RNF31: variants seen among roughly 807,000 people sequenced by gnomAD.
RNF31 encodes ring finger protein 31.
Under a neutral mutation model 133.6 loss-of-function variants are expected in RNF31, and 38 were observed. The observed-to-expected ratio is 0.28, with a 90% CI of 0.22 to 0.37. RNF31 has a LOEUF of 0.37. RNF31 is among the 10% of genes least tolerant of loss of function. The probability of loss-of-function intolerance (pLI) is 1.00; values close to 1 mark genes in which losing one functional copy is unlikely to be tolerated. For synonymous variants in RNF31, 582 were observed against 552.3 expected (o/e 1.05, Z -0.75); for missense variants, 1,118 against 1,394.1 (o/e 0.80, Z 3.15).
chr14:24,149,935 G>T, intron 6 of RNF31, 126 bp from the exon 7 acceptor site: 1 of 1,186,694 alleles, frequency 8.4e-7, no homozygotes, highest in Non-Finnish European at 1.2e-6. Context: ...AGGAGTATTC[G>T]AGACAGACAA....
chr14:24,148,293 A>G lies in RNF31; in HGVS notation c.375A>G (p.Thr125=), dbSNP rs770384151. The change falls in exon 3 of 21, where the codon ACA becomes ACG. Residue 125 remains threonine (T), a synonymous_variant. Coordinates refer to ENST00000324103, the MANE Select transcript of RNF31 (RefSeq NM_017999.5). ...ATGTGCTGCGATTATATGGCTACACAGAGGAGCAACCAGATGGGTTGAGCT... is the reference window on the plus strand; with the variant it reads ...ATGTGCTGCGATTATATGGCTACACGGAGGAGCAACCAGATGGGTTGAGCT... ...GRDVLRLYGY[T]EEQPDGLSFP... 1 of 1,614,238 alleles carries G rather than the reference A, an allele frequency of 6.2e-7. No individual in the cohort carries two copies. Among genetic ancestry groups the G allele is most frequent in the Non-Finnish European group, 8.5e-7 (1 of 1,180,046 alleles).
At position 24,160,514 on chromosome 14, in the gene RNF31, C is replaced by A. The variant is rs2038431371; in HGVS notation, c.3166-6C>A. 2.6e-6 allele frequency: 4 copies of A among 1,554,622 alleles called. No individual in the cohort carries two copies. The highest frequency in any genetic ancestry group is 2.6e-6 in the Non-Finnish European group (3 of 1,146,842). ...CAATATCATTACCTTCTCTCTCCTT[C>A]TGCAGAAGCTGACAGAAGAGGTACC... On this transcript the variant is annotated splice_region_variant and splice_polypyrimidine_tract_variant and intron_variant, in intron 20 of 20. Coordinates refer to ENST00000324103, the MANE Select transcript of RNF31 (RefSeq NM_017999.5). This position sits in a 1 kb window ranked among gnomAD's most constrained non-coding sequence, Gnocchi z 4.0.
At position 24,151,751 on chromosome 14, in the gene RNF31, C is replaced by T; in HGVS notation, c.1924-35C>T. 3 of 1,599,538 alleles carry T rather than the reference C, an allele frequency of 1.9e-6. No individual in the cohort carries two copies. Among genetic ancestry groups the T allele is most frequent in the Non-Finnish European group, 2.6e-6 (3 of 1,172,044 alleles). ...GAGGGGAAGGGTCCCTGGAGTCTGACAGCACTTCCCCCCTCCACCTGAATC... is the reference window on the plus strand; with the variant it reads ...GAGGGGAAGGGTCCCTGGAGTCTGATAGCACTTCCCCCCTCCACCTGAATC... On this transcript the variant is annotated intron_variant, in intron 10 of 20. Transcript: ENST00000324103. This position sits in a 1 kb window ranked among gnomAD's most constrained non-coding sequence, Gnocchi z 5.3.
At chr14:24,148,994 G>C in intron 5 of RNF31, 118 bp downstream of exon 5, 1 of 991,582 alleles carries the variant, frequency 1.0e-6, no homozygotes, top group Non-Finnish European at 1.6e-6. Context: ...ACGGAGTTTT[G>C]CTCTTGTTGC....
rs773851158 is a variant in RNF31 at position 24,148,407 on chromosome 14, A to C, written c.489A>C (p.Leu163=). 9 of 1,613,700 alleles carry C rather than the reference A, an allele frequency of 5.6e-6. No individual in the cohort carries two copies. The highest frequency in any genetic ancestry group is 4.0e-5 in the African/African-American group (3 of 74,686). ...TGCTTCGGACAGAGCTCAGCCTGCT[A>C]TTGCAGGTGAGATGCTCCTCTAGTC... ...VLLLRTELSL[L]LQNTHPRQQA... Residue 163 remains leucine, a synonymous_variant, in exon 3 of 21, where the codon CTA becomes CTC. Transcript: ENST00000324103.
chr14:24,157,077 G>A (rs567246217), intron 14 of RNF31, among the ~76,000 whole-genome samples: 1 of 152,324 alleles, frequency 6.6e-6, no homozygotes, highest in African/African-American at 2.4e-5. Context: ...GGTTGAGATG[G>A]TCTGTGGGGT....
chr14:24,158,407 A>ACAGAGGTAAGTCTACAGTCCAT (rs2038379351), intron 18 of RNF31, among the ~76,000 whole-genome samples: 1 of 152,260 alleles, frequency 6.6e-6, no homozygotes, highest in Non-Finnish European at 1.5e-5. Flanking sequence ...ATCTTTAAAG[A>ACAGAGGTAAGTCTACAGTCCAT]ACCTGGTACC....
Position 24,148,611 on chromosome 14 carries a change from C to G in RNF31, c.496-31C>G, listed in dbSNP as rs376994847. 85 of 1,612,842 alleles carry G rather than the reference C, an allele frequency of 5.3e-5. No homozygotes were observed. The African/African-American group carries it at 9.7e-4, about 18-fold the overall frequency. On this transcript the variant is annotated intron_variant, in intron 3 of 20. Coordinates refer to ENST00000324103, the MANE Select transcript of RNF31 (RefSeq NM_017999.5). Reference sequence around the variant, plus strand: ...GGAGGGCTTTGTTCTAGGGGTCTAGCTGGAAACCGTTTTTATCTGTATTAT... The same window carrying G: ...GGAGGGCTTTGTTCTAGGGGTCTAGGTGGAAACCGTTTTTATCTGTATTAT...
chr14:24,147,433 G>C (rs753613365), upstream of RNF31: 1 of 341,192 alleles, frequency 2.9e-6, no homozygotes, highest in Non-Finnish European at 5.3e-6. Context: ...TCCTGACACC[G>C]CTCCAACCTT....
intron 6 of RNF31, 116 bp from the exon 7 acceptor site, chr14:24,149,945 A>G (rs1302721570): frequency 5.6e-6 from 7 of 1,249,534 alleles, no homozygotes; most frequent in African/African-American, 3.0e-5. Context: ...GAGACAGACA[A>G]TGTGTGCAAA....
chr14:24,148,820 T>C lies in RNF31; in HGVS notation c.575T>C (p.Phe192Ser), dbSNP rs747027126. ...TTTCAGATGCTGCAGCTTTCAGAAT[T>C]TGACCCCCTATTGAGAGAGATTGCT... ...VEDDMLQLSE[F>S]DPLLREIAPG... Residue 192 changes from phenylalanine to serine, a missense_variant, in exon 5 of 21, where the codon TTT becomes TCT. Transcript: ENST00000324103. 30 of 1,614,066 alleles carry C rather than the reference T, an allele frequency of 1.9e-5. No individual in the cohort carries two copies. The Admixed American group carries it at 4.8e-4, about 26-fold the overall frequency.
rs377648911 is a variant in RNF31 at position 24,150,251 on chromosome 14, T to C, written c.1000T>C (p.Leu334=). 58 of 1,613,816 alleles carry C rather than the reference T, an allele frequency of 3.6e-5. No homozygotes were observed. The highest frequency in any genetic ancestry group is 4.5e-5 in the Non-Finnish European group (53 of 1,179,972). ...GCCCCGAGGCTGTAAGGGGTTGGGG[T>C]TGGGAACTGAGGGTCCCCAAGGAAC... is the stretch of plus-strand genomic sequence containing the variant. ...DRPRGCKGLG[L]GTEGPQGTGG... Residue 334 remains leucine (L), a synonymous_variant, in exon 7 of 21, where the codon TTG becomes CTG. Coordinates refer to ENST00000324103, the MANE Select transcript of RNF31 (RefSeq NM_017999.5).
At chr14:24,148,481 A>T (rs2038209931) in intron 3 of RNF31, 68 bp downstream of exon 3, 1 of 1,611,818 alleles carries the variant, frequency 6.2e-7, no homozygotes, top group African/African-American at 1.3e-5. Context: ...AACTCAAGTA[A>T]GTTTGAGGAC....
In RNF31 at chr14:24,155,445, C is replaced by T. The variant is rs557824618; in HGVS notation, c.2336C>T (p.Ala779Val). The change falls in exon 13 of 21, where the codon GCG becomes GTG. Residue 779 changes from alanine to valine, a missense_variant. Ala to Val is a moderately conservative substitution (Grantham distance 64, BLOSUM62 0). Coordinates refer to ENST00000324103, the MANE Select transcript of RNF31 (RefSeq NM_017999.5). The surrounding 1 kb of genome is among the most constrained non-coding windows in gnomAD (Gnocchi z 4.9). ...LRESLEPDAYALFHKKLTEGV... is the reference protein window; with the variant it reads ...LRESLEPDAYVLFHKKLTEGV... Reference sequence around the variant, plus strand: ...GAGAGCCTAGAGCCAGATGCCTATGCGTTGTTCCATAAGAAGCTGACCGAG... The same window carrying T: ...GAGAGCCTAGAGCCAGATGCCTATGTGTTGTTCCATAAGAAGCTGACCGAG... 34 of 1,614,234 alleles carry T rather than the reference C, an allele frequency of 2.1e-5. No individual in the cohort carries two copies. The South Asian group carries it at 3.0e-4, about 14-fold the overall frequency.
Position 24,147,651 on chromosome 14 carries a change from C to G in RNF31, c.-48C>G, listed in dbSNP as rs902348293. 7.3e-7 allele frequency: 1 copy of G among 1,362,036 alleles called. No homozygotes were observed. Among genetic ancestry groups the G allele is most frequent in the Non-Finnish European group, 9.4e-7 (1 of 1,063,514 alleles). 84.4% of individuals were successfully genotyped at this position (1,362,036 alleles called of 1,614,324 possible). A position where few individuals can be genotyped will look rare whatever the true frequency, so the allele number is the denominator to read the frequency against. On this transcript the variant is annotated 5_prime_UTR_variant, in exon 1 of 21. Coordinates refer to ENST00000324103, the MANE Select transcript of RNF31 (RefSeq NM_017999.5). Reference sequence around the variant, plus strand: ...CGGCGCTCGGGCCGCGCGCTGCCCGCGCCGGGTCCTGGCGGGCGGCGAGGC... The same window carrying G: ...CGGCGCTCGGGCCGCGCGCTGCCCGGGCCGGGTCCTGGCGGGCGGCGAGGC...
At position 24,151,729 on chromosome 14, in the gene RNF31, G is replaced by T; in HGVS notation, c.1924-57G>T. 6.2e-7 allele frequency: 1 copy of T among 1,601,718 alleles called. No individual in the cohort carries two copies. The highest frequency in any genetic ancestry group is 2.2e-5 in the East Asian group (1 of 44,716). ...CCTAGAGGAGCAAGAGGGAGCTGAG[G>T]GGAAGGGTCCCTGGAGTCTGACAGC... is the stretch of plus-strand genomic sequence containing the variant. On this transcript the variant is annotated intron_variant, in intron 10 of 20. Coordinates refer to ENST00000324103, the MANE Select transcript of RNF31 (RefSeq NM_017999.5). The surrounding 1 kb of genome is among the most constrained non-coding windows in gnomAD (Gnocchi z 5.3).
chr14:24,158,911 T>C (rs1037851559), intron 18 of RNF31, among the ~76,000 whole-genome samples: 3 of 151,440 alleles, frequency 2.0e-5, no homozygotes, highest in Non-Finnish European at 2.9e-5. Flanking sequence ...CGGGCGCCTG[T>C]AGTCCCAGCT....
At position 24,148,713 on chromosome 14, in the gene RNF31, A is replaced by G. The variant is rs370982030; in HGVS notation, c.555+12A>G. On this transcript the variant is annotated intron_variant, in intron 4 of 20. Transcript: ENST00000324103. The stretch of plus-strand genomic sequence containing the variant: ...AGGTTGAAGATGATGTAAGGAAGGC[A>G]GGAAAGGGGCTGGTGTACAAAGGAA... 5.6e-6 allele frequency: 9 copies of G among 1,614,034 alleles called. No homozygotes were observed. The highest frequency in any genetic ancestry group is 7.6e-6 in the Non-Finnish European group (9 of 1,179,968).
intron 5 of RNF31, 115 bp from the exon 6 acceptor site, chr14:24,149,291 G>A: frequency 2.7e-6 from 3 of 1,098,442 alleles, no homozygotes; most frequent in Non-Finnish European, 2.6e-6. Context: ...GATTAAAATT[G>A]TTTCCTTGGG....
Sources: gnomAD v4.1 joint callset for allele counts (sites outside exome capture counted in the v4.1 genomes callset) on GRCh38, gnomAD v4.1.1 for gene constraint, Gnocchi (gnomAD v3.1) non-coding constraint, MANE v1.5 for transcripts, NCBI Gene and HGNC (gene_info 2026-07-23, HGNC 2026-07-21) for gene names.